The following CCDC77 variants were observed in gnomAD, a reference collection of about 807,000 sequenced individuals.
The protein encoded by CCDC77 is coiled-coil domain-containing protein 77.
Under a neutral mutation model 66.8 loss-of-function variants are expected in CCDC77, and 56 were observed. That is an observed-to-expected ratio of 0.84 (90% CI 0.68 to 1.05). CCDC77 has a LOEUF of 1.05. Ranked by LOEUF, CCDC77 falls within the 50% of genes least tolerant of loss-of-function variation. CCDC77 has a pLI of 0.00. For missense variants in CCDC77, 570 were observed against 576.8 expected, an observed-to-expected ratio of 0.99 and a Z score of 0.12; for synonymous variants, 196 against 195.2, an observed-to-expected ratio of 1.00 and a Z score of -0.03.
At chr12:392,183 T>A (rs544507086) in intron 1 of CCDC77, among the ~76,000 whole-genome samples, 99 of 151,980 alleles carry the variant, frequency 6.5e-4, no homozygotes, top group African/African-American at 2.2e-3. Flanking sequence ...AAAAAAAAAA[T>A]TAGAGTATTA....
At chr12:407,905 A>G (rs1945027568) in intron 2 of CCDC77, among the ~76,000 whole-genome samples, 1 of 147,188 alleles carries the variant, frequency 6.8e-6, no homozygotes. Context: ...CTCCTGCCTC[A>G]GCCTCCCGAG....
chr12:402,329 T>A lies in CCDC77; in HGVS notation c.-71+645T>A, dbSNP rs934129891. On this transcript the variant is annotated intron_variant, in intron 1 of 12. Coordinates refer to ENST00000239830, the MANE Select transcript of CCDC77 (RefSeq NM_032358.4). ...CAATAAAGCACTCTAATATGTTGAC[T>A]TGTAGATAATTTCAAAGGCAGTTCT... is the stretch of plus-strand genomic sequence containing the variant. Among the ~76,000 whole-genome samples, 8 of 152,236 alleles carry A rather than the reference T, an allele frequency of 5.3e-5. No individual in the cohort carries two copies. In the South Asian group the frequency reaches 1.7e-3, roughly 31 times the overall value.
At chr12:422,468 A>G (rs576141175) in intron 5 of CCDC77, among the ~76,000 whole-genome samples, 89 of 152,334 alleles carry the variant, frequency 5.8e-4, no homozygotes, top group African/African-American at 2.1e-3. Flanking sequence ...ACACTATGCT[A>G]CTTTTCGTCT....
intron 9 of CCDC77, among the ~76,000 whole-genome samples, chr12:435,866 G>A (rs1945740386): frequency 1.3e-5 from 2 of 152,016 alleles, no homozygotes; most frequent in African/African-American, 4.8e-5. Flanking sequence ...AGCCTTCCAA[G>A]TCGCTAGGAT....
chr12:431,870 T>C lies in CCDC77; in HGVS notation c.588T>C (p.Pro196=), dbSNP rs750178587. 9.4e-6 allele frequency: 15 copies of C among 1,601,348 alleles called. No individual in the cohort carries two copies. The Admixed American group carries it at 2.6e-4, about 28-fold the overall frequency. ...QSESSAFKAD[P]KISKRRPSRE... Reference sequence around the variant, plus strand: ...GGATTTTGTTTTCTATTTTAGATCCTAAAATAAGCAAAAGAAGACCATCGA... The same window carrying C: ...GGATTTTGTTTTCTATTTTAGATCCCAAAATAAGCAAAAGAAGACCATCGA... Residue 196 remains proline (P), a synonymous_variant, in exon 8 of 13, where the codon CCT becomes CCC. Coordinates refer to ENST00000239830, the MANE Select transcript of CCDC77 (RefSeq NM_032358.4).
At chr12:430,445 C>T (rs1293827245) in intron 6 of CCDC77, among the ~76,000 whole-genome samples, 1 of 152,204 alleles carries the variant, frequency 6.6e-6, no homozygotes, top group Non-Finnish European at 1.5e-5. Flanking sequence ...GCACATGCCA[C>T]CACACCTGGC....
chr12:415,024 A>G (rs1021157302), intron 4 of CCDC77, among the ~76,000 whole-genome samples: 4 of 152,086 alleles, frequency 2.6e-5, no homozygotes, highest in African/African-American at 9.7e-5. Context: ...ATGTATGTAT[A>G]CAATGAATTA....
rs139690328 is a variant in CCDC77 at position 405,317 on chromosome 12, T to A, written c.-70-194T>A. Reference sequence around the variant, plus strand: ...ATAATAGCTGAAGGACACAGGGTTTTTTTCTTGAAGTGACGAAACTTCTAG... The same window carrying A: ...ATAATAGCTGAAGGACACAGGGTTTATTTCTTGAAGTGACGAAACTTCTAG... On this transcript the variant is annotated intron_variant, in intron 1 of 12. Transcript: ENST00000239830. 1.2e-4 allele frequency among the ~76,000 whole-genome samples: 18 copies of A among 152,314 alleles called. No homozygotes were observed. In the East Asian group the frequency reaches 2.9e-3, roughly 24 times the overall value.
intron 9 of CCDC77, among the ~76,000 whole-genome samples, chr12:437,045 G>T (rs1176957708): frequency 6.6e-6 from 1 of 152,186 alleles, no homozygotes; most frequent in Non-Finnish European, 1.5e-5. Flanking sequence ...GCACTCTGCT[G>T]TCATTTCCTC....
chr12:415,370 TAATCAACATAATATTATGTTAATATA>T (rs1945216447), intron 4 of CCDC77, among the ~76,000 whole-genome samples: 1 of 124,908 alleles, frequency 8.0e-6, no homozygotes, highest in Non-Finnish European at 1.7e-5. Context: ...TATGTTAATA[TAATCAACATAATATTATGTTAATATA>T]ATCAACATAA....
intron 1 of CCDC77, among the ~76,000 whole-genome samples, chr12:403,996 T>TC (rs1939134306): frequency 6.6e-6 from 1 of 152,126 alleles, no homozygotes; most frequent in African/African-American, 2.4e-5. Flanking sequence ...CATGCCAAGG[T>TC]CCGGTCCCAA....
At chr12:425,193 A>G (rs1365116603) in intron 5 of CCDC77, among the ~76,000 whole-genome samples, 4 of 151,530 alleles carry the variant, frequency 2.6e-5, no homozygotes, top group Admixed American at 6.6e-5. Flanking sequence ...AGCCTCCCAA[A>G]GTGCTGGGAT....
In CCDC77 at chr12:433,325, G is replaced by T; in HGVS notation, c.821+3G>T. ...AAAATCAAAGAGCTAACCAAAAAGTGAGTGTCTAAGAAAGCTGTACCTAAC... is the reference window on the plus strand; with the variant it reads ...AAAATCAAAGAGCTAACCAAAAAGTTAGTGTCTAAGAAAGCTGTACCTAAC... On this transcript the variant is annotated splice_donor_region_variant and intron_variant, in intron 9 of 12. Transcript: ENST00000239830. The T allele has an allele frequency of 6.2e-7, 1 of 1,613,736 alleles. No homozygotes were observed. Among genetic ancestry groups the T allele is most frequent in the South Asian group, 1.1e-5 (1 of 91,036 alleles).
chr12:415,946 T>C (rs911087787), intron 4 of CCDC77, among the ~76,000 whole-genome samples: 24 of 151,806 alleles, frequency 1.6e-4, no homozygotes, highest in Non-Finnish European at 3.2e-4. Context: ...GCTGGGATTA[T>C]AGGCGCCCAC....
chr12:392,936 G>A lies in CCDC77; in HGVS notation c.-113+3450G>A, dbSNP rs181743326. 5.3e-5 allele frequency among the ~76,000 whole-genome samples: 8 copies of A among 151,728 alleles called. No homozygotes were observed. The East Asian group carries it at 1.4e-3, about 26-fold the overall frequency. On this transcript the variant is annotated intron_variant, in intron 1 of 11. Coordinates refer to the CCDC77 transcript ENST00000422000. ...CCAAAACAAAAAAATCTGGTGAGAA[G>A]AGTGGCATTGGTTTACATTTTTTGT...
At chr12:408,264 A>G (rs1039515227) in intron 2 of CCDC77, among the ~76,000 whole-genome samples, 1 of 152,170 alleles carries the variant, frequency 6.6e-6, no homozygotes, top group Admixed American at 6.6e-5. Context: ...ATCATATAAC[A>G]TGGTATGGCA....
chr12:416,377 GTATATATATA>G (rs1167006549), intron 4 of CCDC77, among the ~76,000 whole-genome samples: 76 of 20,576 alleles, frequency 3.7e-3, no homozygotes, highest in Non-Finnish European at 5.7e-3. Context: ...GTGTGTGTGT[GTATATATATA>G]TATATATATA....
intron 1 of CCDC77, among the ~76,000 whole-genome samples, chr12:389,682 CT>C (rs1437455524): frequency 6.9e-6 from 1 of 144,462 alleles, no homozygotes; most frequent in Non-Finnish European, 1.5e-5. Flanking sequence ...GTCCCTTTCC[CT>C]TTTGTGTATC....
chr12:429,546 G>A (rs916696809), intron 6 of CCDC77, among the ~76,000 whole-genome samples: 6 of 149,790 alleles, frequency 4.0e-5, no homozygotes, highest in African/African-American at 9.9e-5. Context: ...TGCAACCTCC[G>A]CTCTGGGGCT....
Sources: gnomAD v4.1 joint callset for allele counts (sites outside exome capture counted in the v4.1 genomes callset) on GRCh38, gnomAD v4.1.1 for gene constraint, MANE v1.5 for transcripts, NCBI Gene and HGNC (gene_info 2026-07-23, HGNC 2026-07-21) for gene names.